The following KIF26B variants were observed in gnomAD, a reference collection of about 807,000 sequenced individuals.
The protein encoded by KIF26B is kinesin family member 26B, also known as kinesin-like protein KIF26B.
In KIF26B, 63 loss-of-function variants were observed where a neutral mutation model predicts 151.2. The observed-to-expected ratio is 0.42, with a 90% CI of 0.34 to 0.51. KIF26B has a LOEUF of 0.51. KIF26B is among the 20% of genes least tolerant of loss of function. The probability of loss-of-function intolerance (pLI) is 0.07; values close to 1 mark genes in which losing one functional copy is unlikely to be tolerated. For synonymous variants in KIF26B, 1,357 were observed against 1,262.1 expected (o/e 1.08, Z -1.59); for missense variants, 2,813 against 2,913.6 (o/e 0.97, Z 0.79).
intron 3 of KIF26B, among the ~76,000 whole-genome samples, chr1:245,419,187 C>T (rs920685232): frequency 1.2e-4 from 18 of 152,172 alleles, no homozygotes; most frequent in Admixed American, 2.0e-4. Context: ...TATGCCTTTG[C>T]CCCACTGCTC....
intron 5 of KIF26B, among the ~76,000 whole-genome samples, chr1:245,549,851 G>A (rs1661836098): frequency 6.6e-6 from 1 of 151,934 alleles, no homozygotes; most frequent in African/African-American, 2.4e-5. Flanking sequence ...CACGATCTTG[G>A]CTCACTGCAA....
intron 12 of KIF26B, among the ~76,000 whole-genome samples, chr1:245,697,269 C>T (rs546148289): frequency 3.3e-5 from 5 of 152,280 alleles, no homozygotes; most frequent in East Asian, 1.9e-4. Flanking sequence ...CTGTACCATG[C>T]AAGAGTTTAG....
chr1:245,316,014 GACTGC>G (rs1215203698), intron 2 of KIF26B, among the ~76,000 whole-genome samples: 1 of 152,134 alleles, frequency 6.6e-6, no homozygotes, highest in Non-Finnish European at 1.5e-5. Flanking sequence ...TCAGAACACA[GACTGC>G]ACAGTAAAGT....
At chr1:245,285,227 T>C (rs1266118409) in intron 2 of KIF26B, among the ~76,000 whole-genome samples, 1 of 152,182 alleles carries the variant, frequency 6.6e-6, no homozygotes, top group Non-Finnish European at 1.5e-5. Context: ...CTCATGGCAG[T>C]GGCAGAATTT....
intron 3 of KIF26B, among the ~76,000 whole-genome samples, chr1:245,376,607 G>C (rs1054288437): frequency 4.6e-5 from 7 of 152,184 alleles, no homozygotes; most frequent in African/African-American, 1.7e-4. Context: ...GGATAGATGA[G>C]TGATAGGCTG....
rs1668439797 is a variant in KIF26B at position 245,156,598 on chromosome 1, T to C, written c.380T>C (p.Val127Ala). ...TCCTCCCCCGGCTCGGACCGCGGCG[T>C]CTGGTGCGAGAACTGCAACGCCCGC... ...GGSSPGSDRG[V>A]WCENCNARLV... The change falls in exon 2 of 15, where the codon GTC becomes GCC. Residue 127 changes from valine (V) to alanine (A), a missense_variant. Physicochemically the swap from Val to Ala is moderately conservative, Grantham distance 64. Transcript: ENST00000407071. 5 of 1,526,710 alleles carry C rather than the reference T, an allele frequency of 3.3e-6. No individual in the cohort carries two copies. The highest frequency in any genetic ancestry group is 4.4e-6 in the Non-Finnish European group (5 of 1,143,630). The allele number at this position is 1,526,710 out of a possible 1,614,324, so 94.6% of individuals were successfully genotyped here. A position where few individuals can be genotyped will look rare whatever the true frequency, so the allele number is the denominator to read the frequency against.
intron 9 of KIF26B, 123 bp downstream of exon 9, chr1:245,612,099 T>TGAGAGA (rs1256677244): frequency 1.1e-4 from 65 of 589,562 alleles, no homozygotes; most frequent in African/African-American, 7.5e-4. Flanking sequence ...TGTGTGTGTG[T>TGAGAGA]GTGTGTGAGA....
intron 4 of KIF26B, among the ~76,000 whole-genome samples, chr1:245,441,972 G>C (rs569290250): frequency 6.6e-6 from 1 of 152,370 alleles, no homozygotes; most frequent in East Asian, 1.9e-4. Context: ...CTGGCCCTTT[G>C]ATGGCTTTTG....
chr1:245,422,339 T>C (rs1029434127), intron 4 of KIF26B, among the ~76,000 whole-genome samples: 1 of 152,120 alleles, frequency 6.6e-6, no homozygotes, highest in African/African-American at 2.4e-5. Context: ...TCATTATTGA[T>C]GAGAACTATT....
chr1:245,252,936 A>T (rs1487165087), intron 2 of KIF26B, among the ~76,000 whole-genome samples: 1 of 151,992 alleles, frequency 6.6e-6, no homozygotes, highest in Non-Finnish European at 1.5e-5. Context: ...AATATTTTTT[A>T]AATTTCATAA....
chr1:245,172,222 G>T (rs576035395), intron 2 of KIF26B, among the ~76,000 whole-genome samples: 1 of 152,132 alleles, frequency 6.6e-6, no homozygotes, highest in Non-Finnish European at 1.5e-5. Context: ...CTGGTGGGGG[G>T]GGTGGGTACA....
At chr1:245,471,674 T>C (rs970987729) in intron 4 of KIF26B, among the ~76,000 whole-genome samples, 1 of 152,240 alleles carries the variant, frequency 6.6e-6, no homozygotes, top group African/African-American at 2.4e-5. Context: ...CGGCGTTTTC[T>C]CTCTGGATAT....
chr1:245,688,004 T>C lies in KIF26B; in HGVS notation c.5021T>C (p.Val1674Ala), dbSNP rs200279444. The change falls in exon 12 of 15, where the codon GTC becomes GCC. Residue 1674 changes from valine (V) to alanine (A), a missense_variant. Around this residue, in one of 3 missense-constraint regions of KIF26B, gnomAD observed 2,060 missense variants for 2,088.6 expected, o/e 0.99. Coordinates refer to ENST00000407071, the MANE Select transcript of KIF26B (RefSeq NM_018012.4). ...SRSNSLGRAT[V>A]SHYECLSLER... is the part of the protein sequence containing the mutation. ...AGCAACTCGCTGGGCAGGGCGACAGTCAGCCACTACGAATGCCTCTCCCTG... is the reference window on the plus strand; with the variant it reads ...AGCAACTCGCTGGGCAGGGCGACAGCCAGCCACTACGAATGCCTCTCCCTG... The C allele has an allele frequency of 6.4e-7, 1 of 1,564,080 alleles. No homozygotes were observed. The highest frequency in any genetic ancestry group is 8.7e-7 in the Non-Finnish European group (1 of 1,155,790).
intron 2 of KIF26B, among the ~76,000 whole-genome samples, chr1:245,184,449 G>A (rs767572306): frequency 2.6e-5 from 4 of 152,156 alleles, no homozygotes; most frequent in South Asian, 2.1e-4. Context: ...CATGTGCGTC[G>A]TCATCTGTGC....
At chr1:245,521,181 C>CA (rs1332085134) in intron 4 of KIF26B, among the ~76,000 whole-genome samples, 14 of 152,076 alleles carry the variant, frequency 9.2e-5, no homozygotes, top group African/African-American at 2.7e-4. Flanking sequence ...ACTAAAAATA[C>CA]AAAAAATTAG....
At chr1:245,450,969 T>A (rs1387753375) in intron 4 of KIF26B, among the ~76,000 whole-genome samples, 3 of 152,206 alleles carry the variant, frequency 2.0e-5, no homozygotes, top group Non-Finnish European at 4.4e-5. Flanking sequence ...TGCTTTGGGG[T>A]GTGTCTTCCT....
At chr1:245,348,253 T>G (rs1188014322) in intron 2 of KIF26B, among the ~76,000 whole-genome samples, 1 of 152,178 alleles carries the variant, frequency 6.6e-6, no homozygotes, top group Non-Finnish European at 1.5e-5. Context: ...CTGCACTGAC[T>G]CCCTATGCCA....
At chr1:245,537,008 G>C (rs1441760480) in intron 4 of KIF26B, among the ~76,000 whole-genome samples, 1 of 152,212 alleles carries the variant, frequency 6.6e-6, no homozygotes, top group Non-Finnish European at 1.5e-5. Context: ...GTTCAAGAAG[G>C]AACATAGACG....
intron 2 of KIF26B, among the ~76,000 whole-genome samples, chr1:245,309,689 TA>T (rs1278124422): frequency 2.7e-5 from 4 of 147,950 alleles, no homozygotes; most frequent in Admixed American, 6.8e-5. Context: ...TCTCTCACTA[TA>T]TATAGTGATA....
Sources: gnomAD v4.1 joint callset for allele counts (sites outside exome capture counted in the v4.1 genomes callset) on GRCh38, gnomAD v4.1.1 for gene constraint, gnomAD v4.1.1 regional missense constraint, MANE v1.5 for transcripts, NCBI Gene and HGNC (gene_info 2026-07-23, HGNC 2026-07-21) for gene names.